Variants in TLE3 observed in about 807,000 individuals in gnomAD.
TLE3 encodes the protein transducin-like enhancer protein 3.
TLE3 carries 14 observed loss-of-function variants against 93.0 expected under a neutral mutation model. The ratio of observed to expected loss-of-function variants is 0.15; its 90% CI spans 0.10 to 0.24. The LOEUF is 0.24. Among genes scored for constraint, TLE3 ranks in the 10% least tolerant of loss-of-function variants. TLE3 has a pLI of 1.00. For synonymous variants in TLE3, 451 were observed against 425.0 expected (o/e 1.06, Z -0.75); for missense variants, 693 against 1,046.6 (o/e 0.66, Z 4.66).
intron 15 of TLE3, 77 bp downstream of exon 15, chr15:70,054,972 G>A: frequency 6.7e-7 from 1 of 1,501,786 alleles, no homozygotes; most frequent in Non-Finnish European, 8.9e-7. Flanking sequence ...CCAGGCCCTG[G>A]GGCTCTCCCC....
intron 14 of TLE3, chr15:70,055,503 T>C (rs2055941361): frequency 1.8e-6 from 1 of 560,004 alleles, no homozygotes; most frequent in Non-Finnish European, 2.9e-6. Context: ...CTTTGATTTT[T>C]ACACCCAGTT....
chr15:70,065,964 C>T, intron 7 of TLE3, 50 bp downstream of exon 7: 1 of 1,476,042 alleles, frequency 6.8e-7, no homozygotes, highest in Non-Finnish European at 9.4e-7. Context: ...CCTATGAGCG[C>T]CCATGCCCAC....
chr15:70,063,275 T>G (rs1381491200), intron 8 of TLE3, among the ~76,000 whole-genome samples: 1 of 152,240 alleles, frequency 6.6e-6, no homozygotes, highest in African/African-American at 2.4e-5. Context: ...CCTCCGCCTA[T>G]CTAGGCAAAC....
At chr15:70,096,128 C>T (rs1464210396) in intron 2 of TLE3, 33 bp downstream of exon 2, 1 of 1,539,568 alleles carries the variant, frequency 6.5e-7, no homozygotes, top group Admixed American at 2.0e-5. Flanking sequence ...CACCCCTCCC[C>T]GCCAGCCCCG....
rs1187071599 is a variant in TLE3, at chr15:70,058,234, C to T, written c.976G>A (p.Ala326Thr). The T allele has an allele frequency of 1.2e-6, 2 of 1,613,546 alleles. No individual in the cohort carries two copies. The highest frequency in any genetic ancestry group is 1.3e-5 in the African/African-American group (1 of 75,008). The change falls in exon 12 of 20, where the codon GCC becomes ACC. Residue 326 changes from alanine (A) to threonine (T), a missense_variant. Coordinates refer to ENST00000451782, the MANE Select transcript of TLE3 (RefSeq NM_001105192.3). The surrounding 1 kb of genome is among the most constrained non-coding windows in gnomAD (Gnocchi z 4.1). ...GTCGTGCTGGTGCCTGGAGTTGGGG[C>T]GTCGTTCCTTGGGGTTGGTGTGTTG... ...KSNTPTPRNDAPTPGTSTTPG... is the reference protein window; with the variant it reads ...KSNTPTPRNDTPTPGTSTTPG...
In TLE3 at chr15:70,050,190, C is replaced by T. The variant is rs35256928; in HGVS notation, c.2217G>A (p.Ser739=). 2,836 of 1,613,836 alleles carry T rather than the reference C, an allele frequency of 1.8e-3. 47 individuals are homozygous for T. In the African/African-American group the frequency reaches 0.034, roughly 20 times the overall value. The change falls in exon 20 of 20, where the codon TCG becomes TCA. Residue 739 remains serine (S), a synonymous_variant. Transcript: ENST00000451782. The part of the protein sequence containing the change: ...GASIFQSKES[S]SVLSCDISAD... ...CTGAAATGTCACAACTCAAGACAGA[C>T]GAGGATTCTTTAGACTGGAGGAGGA...
chr15:70,089,354 C>T (rs1031225277), intron 4 of TLE3, among the ~76,000 whole-genome samples: 1 of 152,194 alleles, frequency 6.6e-6, no homozygotes, highest in Non-Finnish European at 1.5e-5. Flanking sequence ...GTGTCTTATT[C>T]GGCTGTGTAA....
chr15:70,095,802 C>T (rs960104335), intron 2 of TLE3, 161 bp from the exon 3 acceptor site: 9 of 840,438 alleles, frequency 1.1e-5, no homozygotes, highest in East Asian at 8.2e-5. Context: ...TTTGGGTCCC[C>T]GCCGTGGGGA....
At chr15:70,052,293 G>A (rs1223492879) in intron 18 of TLE3, 81 bp downstream of exon 18, 2 of 1,545,256 alleles carry the variant, frequency 1.3e-6, no homozygotes, top group Non-Finnish European at 1.8e-6. Context: ...TAAGCTTTGG[G>A]CCCCTCTTCT....
chr15:70,053,305 T>C lies in TLE3; in HGVS notation c.1896A>G (p.Thr632=). 6.2e-7 allele frequency: 1 copy of C among 1,608,840 alleles called. No homozygotes were observed. The highest frequency in any genetic ancestry group is 1.1e-5 in the South Asian group (1 of 89,846). Reference sequence around the variant, plus strand: ...AGCGCACCGTGTTGTCCAGGCCCCCTGTCCACAGTTTGGTGCCATCATGGG... The same window carrying C: ...AGCGCACCGTGTTGTCCAGGCCCCCCGTCCACAGTTTGGTGCCATCATGGG... The part of the protein sequence containing the change: ...DISHDGTKLW[T]GGLDNTVRSW... The change falls in exon 17 of 20, where the codon ACA becomes ACG. Residue 632 remains threonine, a synonymous_variant. Transcript: ENST00000451782.
At chr15:70,051,602 G>T in intron 18 of TLE3, 135 bp from the exon 19 acceptor site, 1 of 416,988 alleles carries the variant, frequency 2.4e-6, no homozygotes, top group Non-Finnish European at 3.8e-6. Context: ...ATTTCGAGAG[G>T]CATTTTGCAA....
chr15:70,069,883 G>A (rs1275983484), intron 6 of TLE3, among the ~76,000 whole-genome samples: 2 of 152,246 alleles, frequency 1.3e-5, no homozygotes, highest in African/African-American at 4.8e-5. Flanking sequence ...TCCTCAGGCT[G>A]TATTCCTATC....
In TLE3 at chr15:70,066,011, C is replaced by T. The variant is rs1186952242; in HGVS notation, c.577+3G>A. On this transcript the variant is annotated splice_donor_region_variant and intron_variant, in intron 7 of 19. Transcript: ENST00000451782. ...CCCACCCTCTGCCCCAGCCCAGCCG[C>T]ACCTCTGTGATCGAGTTCATGGTGG... The T allele has an allele frequency of 1.2e-6, 2 of 1,612,570 alleles. No homozygotes were observed. The highest frequency in any genetic ancestry group is 1.7e-5 in the Admixed American group (1 of 59,876).
chr15:70,060,452 GC>G, intron 9 of TLE3, 77 bp downstream of exon 9: 1 of 1,579,982 alleles, frequency 6.3e-7, no homozygotes, highest in Non-Finnish European at 8.6e-7. Flanking sequence ...GAAGACCCTG[GC>G]CACAGCTTGG....
intron 12 of TLE3, chr15:70,057,871 T>C (rs979392854): frequency 9.7e-6 from 7 of 723,714 alleles, no homozygotes; most frequent in Non-Finnish European, 1.6e-5. Context: ...GAGCAGGATA[T>C]GGAGGCCCAA....
At chr15:70,091,049 C>T (rs1366184082) in intron 4 of TLE3, among the ~76,000 whole-genome samples, 1 of 152,218 alleles carries the variant, frequency 6.6e-6, no homozygotes, top group Non-Finnish European at 1.5e-5. Flanking sequence ...AGCAGCTTTA[C>T]CACTAACGTG....
intron 18 of TLE3, 66 bp from the exon 19 acceptor site, chr15:70,051,533 T>C (rs2141373193): frequency 7.1e-7 from 1 of 1,399,030 alleles, no homozygotes; most frequent in African/African-American, 1.4e-5. Flanking sequence ...AGACCTGCCC[T>C]AGACATGGCC....
At chr15:70,067,128 C>T (rs1567014107) in intron 6 of TLE3, among the ~76,000 whole-genome samples, 1 of 152,152 alleles carries the variant, frequency 6.6e-6, no homozygotes, top group Non-Finnish European at 1.5e-5. Flanking sequence ...TGCAATTCTC[C>T]CTGTCTCCTC....
At chr15:70,089,536 AG>A (rs111486491) in intron 4 of TLE3, among the ~76,000 whole-genome samples, 2,464 of 152,322 alleles carry the variant, frequency 0.016, 38 homozygotes, top group South Asian at 0.057. Context: ...CACAGGGCTC[AG>A]GGAATCGGAA....
Sources: gnomAD v4.1 joint callset for allele counts (sites outside exome capture counted in the v4.1 genomes callset) on GRCh38, gnomAD v4.1.1 for gene constraint, Gnocchi (gnomAD v3.1) non-coding constraint, MANE v1.5 for transcripts, NCBI Gene and HGNC (gene_info 2026-07-23, HGNC 2026-07-21) for gene names.